TMEM200A: variants seen among roughly 807,000 people sequenced by gnomAD.
TMEM200A encodes the protein transmembrane protein 200A, also known as two transmembrane C.
Under a neutral mutation model 24.3 loss-of-function variants are expected in TMEM200A, and 12 were observed. The ratio of observed to expected loss-of-function variants is 0.49; its 90% CI spans 0.32 to 0.80. TMEM200A has a LOEUF of 0.80. Ranked by LOEUF, TMEM200A falls within the 30% of genes least tolerant of loss-of-function variation. The pLI is 0.04. For synonymous variants in TMEM200A, 224 were observed against 224.4 expected, an observed-to-expected ratio of 1.00 and a Z score of 0.02; for missense variants, 545 against 614.4, an observed-to-expected ratio of 0.89 and a Z score of 1.19.
rs1780201561 is a variant in TMEM200A at position 130,441,881 on chromosome 6, T to G, written c.1459T>G (p.Ser487Ala). ...FLSNNLKRGTSETRF is the reference protein window; with the variant it reads ...FLSNNLKRGTAETRF ...GAGTAACAACCTAAAGAGGGGAACT[T>G]CTGAAACAAGGTTTTAATGTTAAAA... Residue 487 changes from serine (S) to alanine (A), a missense_variant, in exon 3 of 3, where the codon TCT (serine) becomes GCT (alanine). Coordinates refer to ENST00000296978, the MANE Select transcript of TMEM200A (RefSeq NM_001258277.2). The G allele has an allele frequency of 6.2e-7, 1 of 1,601,040 alleles. No homozygotes were observed. The highest frequency in any genetic ancestry group is 8.5e-7 in the Non-Finnish European group (1 of 1,175,214).
chr6:130,393,079 A>C (rs539957572), intron 2 of TMEM200A, among the ~76,000 whole-genome samples: 32 of 152,368 alleles, frequency 2.1e-4, no homozygotes, highest in African/African-American at 7.2e-4. Flanking sequence ...GATGGAATTA[A>C]CCAGCCAAAT....
chr6:130,435,576 T>TGCTCTATACTTTCTTC (rs1288583518), intron 2 of TMEM200A, among the ~76,000 whole-genome samples: 1 of 152,228 alleles, frequency 6.6e-6, no homozygotes, highest in African/African-American at 2.4e-5. Flanking sequence ...GAGCTTTCTT[T>TGCTCTATACTTTCTTC]GCTCTATACT....
chr6:130,377,682 A>G (rs960783848), intron 1 of TMEM200A, among the ~76,000 whole-genome samples: 3 of 152,146 alleles, frequency 2.0e-5, no homozygotes, highest in Non-Finnish European at 4.4e-5. Context: ...TTATACTTTT[A>G]TTTATTCATT....
chr6:130,437,715 G>A (rs1440026584), intron 2 of TMEM200A: 5 of 152,026 alleles, frequency 3.3e-5, no homozygotes, highest in Admixed American at 6.6e-5. Flanking sequence ...ATACTTTTAA[G>A]ATACCCTTTT....
In TMEM200A at chr6:130,385,193, G is replaced by A. The variant is rs1247474560; in HGVS notation, c.-60G>A. On this transcript the variant is annotated 5_prime_UTR_variant, in exon 2 of 3. Transcript: ENST00000296978. The stretch of plus-strand genomic sequence containing the variant: ...CTTAGCACACAGAGCCGCTGAAAAC[G>A]ACTGAAGAGAGCAAGGGATTTCCTG... 1.3e-5 allele frequency: 2 copies of A among 152,174 alleles called. No individual in the cohort carries two copies. The highest frequency in any genetic ancestry group is 2.9e-5 in the Non-Finnish European group (2 of 68,024). 9.4% of individuals were successfully genotyped at this position (152,174 alleles called of 1,614,324 possible).
intron 2 of TMEM200A, among the ~76,000 whole-genome samples, chr6:130,433,654 T>C (rs1337835412): frequency 2.6e-5 from 4 of 152,158 alleles, no homozygotes; most frequent in Non-Finnish European, 4.4e-5. Context: ...CCACATGGGG[T>C]TTTTATATAA....
At chr6:130,388,374 A>G (rs1453757007) in intron 2 of TMEM200A, among the ~76,000 whole-genome samples, 1 of 151,996 alleles carries the variant, frequency 6.6e-6, no homozygotes, top group Admixed American at 6.6e-5. Context: ...TGTTTCCCAA[A>G]GTGATAACCC....
chr6:130,395,150 A>G (rs887834915), intron 2 of TMEM200A, among the ~76,000 whole-genome samples: 1 of 152,212 alleles, frequency 6.6e-6, no homozygotes, highest in Non-Finnish European at 1.5e-5. Flanking sequence ...ATAGGATGGG[A>G]AAATTTCCAC....
intron 2 of TMEM200A, among the ~76,000 whole-genome samples, chr6:130,395,680 G>T (rs189552528): frequency 6.6e-6 from 1 of 152,320 alleles, no homozygotes; most frequent in East Asian, 1.9e-4. Flanking sequence ...TTAGATCACA[G>T]GTCAGATGGA....
intron 1 of TMEM200A, among the ~76,000 whole-genome samples, chr6:130,368,925 G>A (rs1340790064): frequency 6.6e-6 from 1 of 152,184 alleles, no homozygotes; most frequent in Non-Finnish European, 1.5e-5. Flanking sequence ...GCTTTGGACT[G>A]ACGATCTTTA....
At chr6:130,374,701 A>G (rs894848705) in intron 1 of TMEM200A, among the ~76,000 whole-genome samples, 1 of 152,106 alleles carries the variant, frequency 6.6e-6, no homozygotes, top group Non-Finnish European at 1.5e-5. Flanking sequence ...TGGGATTACA[A>G]GTGTGAGCAA....
Position 130,366,765 on chromosome 6 carries a change from A to G in TMEM200A, c.-81+241A>G, listed in dbSNP as rs1778167985. ...GGGGCAGCCTCCAAGAACCCGGAGT[A>G]CTGGAGCGCCTGGCTGGGTTTCTCC... On this transcript the variant is annotated intron_variant, in intron 1 of 2. Transcript: ENST00000296978. This position sits in a 1 kb window ranked among gnomAD's most constrained non-coding sequence, Gnocchi z 4.4. 6.6e-6 allele frequency among the ~76,000 whole-genome samples: 1 copy of G among 152,162 alleles called. No homozygotes were observed.
chr6:130,391,867 C>T (rs538847639), intron 2 of TMEM200A, among the ~76,000 whole-genome samples: 8 of 151,506 alleles, frequency 5.3e-5, no homozygotes, highest in South Asian at 2.1e-4. Flanking sequence ...CTCAGCCTCC[C>T]GAGTAGCTGG....
In TMEM200A at chr6:130,441,172, C is replaced by A. The variant is rs1425135879; in HGVS notation, c.750C>A (p.Ser250Arg). 10 of 1,614,078 alleles carry A rather than the reference C, an allele frequency of 6.2e-6. No homozygotes were observed. Among genetic ancestry groups the A allele is most frequent in the Non-Finnish European group, 8.5e-6 (10 of 1,179,966 alleles). ...TTATGCCCCCTTTGCTCTCTGACAG[C>A]TCTGTGTCTGTCTTTGGCCTCTATC... is the stretch of plus-strand genomic sequence containing the variant. ...GHLMPPLLSD[S>R]SVSVFGLYPP... The change falls in exon 3 of 3, where the codon AGC becomes AGA. Residue 250 changes from serine to arginine, a missense_variant. Transcript: ENST00000296978.
Position 130,441,519 on chromosome 6 carries a change from G to T in TMEM200A, c.1097G>T (p.Gly366Val). ...CAGTACAAGTCATCTATGGCTCTCG[G>T]ACCTGGGGCTGGACAGCTCTTGTCT... ...SSQYKSSMAL[G>V]PGAGQLLSPG... Residue 366 changes from glycine to valine, a missense_variant, in exon 3 of 3, where the codon GGA (glycine) becomes GTA (valine). Physicochemically the swap from Gly to Val is moderately radical, Grantham distance 109. Coordinates refer to ENST00000296978, the MANE Select transcript of TMEM200A (RefSeq NM_001258277.2). 6.2e-7 allele frequency: 1 copy of T among 1,614,024 alleles called. No homozygotes were observed. The highest frequency in any genetic ancestry group is 8.5e-7 in the Non-Finnish European group (1 of 1,179,988).
At chr6:130,413,932 C>A (rs1230675504) in intron 2 of TMEM200A, among the ~76,000 whole-genome samples, 1 of 152,070 alleles carries the variant, frequency 6.6e-6, no homozygotes, top group African/African-American at 2.4e-5. Flanking sequence ...GTTTTAAATT[C>A]TCACACTAGA....
intron 2 of TMEM200A, among the ~76,000 whole-genome samples, chr6:130,423,200 T>A (rs1779645355): frequency 6.6e-6 from 1 of 152,180 alleles, no homozygotes; most frequent in South Asian, 2.1e-4. Flanking sequence ...TATGTATATC[T>A]GTTCTCCATG....
chr6:130,375,181 G>A (rs867181351), intron 1 of TMEM200A, among the ~76,000 whole-genome samples: 5 of 151,916 alleles, frequency 3.3e-5, no homozygotes, highest in Non-Finnish European at 5.9e-5. Flanking sequence ...AATTATTTTC[G>A]TTCATTTGTT....
At chr6:130,394,237 G>A (rs1322077722) in intron 2 of TMEM200A, among the ~76,000 whole-genome samples, 1 of 152,150 alleles carries the variant, frequency 6.6e-6, no homozygotes, top group Non-Finnish European at 1.5e-5. Flanking sequence ...GTAAGCCTGA[G>A]ACTGCTTAAA....
Sources: gnomAD v4.1 joint callset for allele counts (sites outside exome capture counted in the v4.1 genomes callset) on GRCh38, gnomAD v4.1.1 for gene constraint, Gnocchi (gnomAD v3.1) non-coding constraint, MANE v1.5 for transcripts, NCBI Gene and HGNC (gene_info 2026-07-23, HGNC 2026-07-21) for gene names.